The following TTC34 variants were observed in gnomAD, a reference collection of about 807,000 sequenced individuals.
The protein encoded by TTC34 is tetratricopeptide repeat protein 34.
TTC34 carries 44 observed loss-of-function variants against 40.7 expected under a neutral mutation model. The ratio of observed to expected loss-of-function variants is 1.08; its 90% confidence interval spans 0.85 to 1.39. The LOEUF is 1.39. Among genes scored for constraint, TTC34 ranks in the 40% most tolerant of loss-of-function variants. TTC34 has a pLI of 0.00. For synonymous variants in TTC34, 422 were observed against 398.6 expected (o/e 1.06, Z -0.70); for missense variants, 884 against 838.0 (o/e 1.05, Z -0.68).
chr1:2,753,178 C>G (rs1641383341), intron 6 of TTC34, among the ~76,000 whole-genome samples: 1 of 126,924 alleles, frequency 7.9e-6, no homozygotes, highest in Non-Finnish European at 1.6e-5. Context: ...CCCACACCCC[C>G]AGGTGAGCAT....
chr1:2,657,079 AGCCT>A (rs1639374147), intron 6 of TTC34, among the ~76,000 whole-genome samples: 1 of 104,646 alleles, frequency 9.6e-6, no homozygotes. Context: ...AGCATCTGAC[AGCCT>A]GGAGCTGCAC....
intron 6 of TTC34, chr1:2,775,475 C>G (rs993943920): frequency 2.7e-5 from 4 of 148,562 alleles, no homozygotes; most frequent in Admixed American, 2.6e-4. Flanking sequence ...CCCACACCCC[C>G]AGGTGTGCAT....
At chr1:2,691,984 C>T (rs1459719475) in intron 6 of TTC34, among the ~76,000 whole-genome samples, 8 of 77,610 alleles carry the variant, frequency 1.0e-4, no homozygotes, top group Middle Eastern at 7.2e-3. Context: ...AGCTCCCACA[C>T]CCCCAGGCGA....
chr1:2,790,215 G>GGAACTGCCTCCGCGCCCCA lies in TTC34; in HGVS notation c.897_915dup (p.Gln306TrpfsTer42), dbSNP rs1484405689. The stretch of plus-strand genomic sequence containing the variant: ...TGGTCCTGGACAGAGAACACGGCCT[G>GGAACTGCCTCCGCGCCCCA]GAACTGCCTCCGCGCCCCAGAGGGG... On this transcript the variant is annotated frameshift_variant, in exon 3 of 9. Coordinates refer to ENST00000401095, the Ensembl canonical transcript of TTC34. LOFTEE classifies it high-confidence loss of function. 1 of 398,284 alleles carries GGAACTGCCTCCGCGCCCCA rather than the reference G, an allele frequency of 2.5e-6. No homozygotes were observed. Among genetic ancestry groups the GGAACTGCCTCCGCGCCCCA allele is most frequent in the Non-Finnish European group, 4.4e-6 (1 of 225,902 alleles). 24.7% of individuals were successfully genotyped at this position (398,284 alleles called of 1,614,324 possible). A position where few individuals can be genotyped will look rare whatever the true frequency, so the allele number is the denominator to read the frequency against.
exon 5 of TTC34, chr1:2,785,903 G>A (rs910525396): frequency 1.3e-6 from 2 of 1,537,606 alleles, no homozygotes; most frequent in Admixed American, 2.0e-5. Flanking sequence ...CGTGCCCGCA[G>A]GATGGCCAGG....
intron 6 of TTC34, among the ~76,000 whole-genome samples, chr1:2,749,440 A>G (rs1641245147): frequency 1.5e-5 from 2 of 135,138 alleles, no homozygotes; most frequent in Admixed American, 7.6e-5. Flanking sequence ...AACAGCACCG[A>G]CACCCCCAGG....
chr1:2,685,427 C>A lies in TTC34; in HGVS notation c.2227-39864G>T, dbSNP rs1198429762. 7.9e-5 allele frequency among the ~76,000 whole-genome samples: 11 copies of A among 138,864 alleles called. No homozygotes were observed. The East Asian group carries it at 2.3e-3, about 28-fold the overall frequency. The allele number at this position is 138,864 out of a possible 152,430, so 91.1% of individuals were successfully genotyped here. On this transcript the variant is annotated intron_variant, in intron 6 of 8. Coordinates refer to ENST00000401095, the Ensembl canonical transcript of TTC34. ...CAGGTGAGCATCGGAGAGTCTGGAG[C>A]AGCGCCCACACTGCAGGGCGAGCAT...
rs746419960 is a variant in TTC34 at position 2,645,442 on chromosome 1, C to T, written c.2348G>A (p.Arg783Gln). ...GTCTGGCAGCTGGCTCAGAAGGGCC[C>T]GGCAGTGGGAGTAGAGGCCCTGTGT... The change falls in exon 7 of 9, where the codon CGG becomes CAG. Residue 783 changes from arginine to glutamine, a missense_variant. Transcript: ENST00000401095. The surrounding 1 kb of genome is among the most constrained non-coding windows in gnomAD (Gnocchi z 4.7). The T allele has an allele frequency of 7.9e-5, 121 of 1,535,410 alleles. No individual in the cohort carries two copies. The African/African-American group carries it at 1.2e-3, about 15-fold the overall frequency.
chr1:2,764,404 C>T (rs1460222634), intron 6 of TTC34, among the ~76,000 whole-genome samples: 23 of 147,136 alleles, frequency 1.6e-4, no homozygotes, highest in Non-Finnish European at 9.0e-5. Context: ...ATCTGACAGC[C>T]TGGAGCAGCA....
At chr1:2,676,933 G>A (rs1407651499) in intron 6 of TTC34, among the ~76,000 whole-genome samples, 1 of 147,740 alleles carries the variant, frequency 6.8e-6, no homozygotes, top group African/African-American at 2.6e-5. Flanking sequence ...CACACCCCCA[G>A]GTGAGCATCT....
intron 8 of TTC34, among the ~76,000 whole-genome samples, chr1:2,643,652 C>CG (rs200640386): frequency 0.032 from 4,863 of 151,886 alleles, 94 homozygotes; most frequent in Non-Finnish European, 0.039. Flanking sequence ...CTCTTCAGCT[C>CG]GGGGGGGGCA....
intron 6 of TTC34, among the ~76,000 whole-genome samples, chr1:2,755,626 CAGGTGCGCATCT>C (rs1641478495): frequency 8.0e-6 from 1 of 125,628 alleles, no homozygotes; most frequent in Non-Finnish European, 1.6e-5. Context: ...CCCACACACC[CAGGTGCGCATCT>C]GATGGTCTGG....
chr1:2,695,099 G>A (rs200310118), intron 6 of TTC34, among the ~76,000 whole-genome samples: 28 of 27,382 alleles, frequency 1.0e-3, no homozygotes, highest in East Asian at 2.3e-3. Flanking sequence ...TGACAACCTG[G>A]AACAGCACCC....
chr1:2,657,221 C>A (rs1570765567), intron 6 of TTC34, among the ~76,000 whole-genome samples: 1 of 121,528 alleles, frequency 8.2e-6, no homozygotes, highest in Non-Finnish European at 1.9e-5. Context: ...GCACCCACAA[C>A]CACAGGTGAA....
intron 6 of TTC34, among the ~76,000 whole-genome samples, chr1:2,753,238 C>G (rs1641385506): frequency 4.0e-5 from 5 of 124,718 alleles, no homozygotes; most frequent in Non-Finnish European, 4.9e-5. Context: ...ATCTGACAGC[C>G]TGGAGCAGCA....
At chr1:2,687,306 C>T (rs1287851321) in intron 6 of TTC34, among the ~76,000 whole-genome samples, 49 of 96,702 alleles carry the variant, frequency 5.1e-4, no homozygotes, top group Admixed American at 1.5e-3. Context: ...CATCTGACAT[C>T]GTGGAACAGC....
rs1342650153 is a variant in TTC34, at chr1:2,783,697, T to C, written c.2138A>G (p.Asp713Gly). Reference sequence around the variant, plus strand: ...CTCAGCCCGCAGCACTGTGTTGAAGTCGAACATGGCCGTCTTCTTCTGGCC... The same window carrying C: ...CTCAGCCCGCAGCACTGTGTTGAAGCCGAACATGGCCGTCTTCTTCTGGCC... The change falls in exon 6 of 9, where the codon GAC becomes GGC. Residue 713 changes from aspartate (D) to glycine (G), a missense_variant. Asp to Gly is a moderately conservative substitution (Grantham distance 94). Coordinates refer to ENST00000401095, the Ensembl canonical transcript of TTC34. 2.6e-6 allele frequency: 4 copies of C among 1,545,212 alleles called. No homozygotes were observed. The Admixed American group carries it at 5.9e-5, about 23-fold the overall frequency.
chr1:2,799,170 C>T (rs1207890076), intron 2 of TTC34, among the ~76,000 whole-genome samples: 4 of 152,074 alleles, frequency 2.6e-5, no homozygotes, highest in Non-Finnish European at 4.4e-5. Context: ...CCCCAGCCTC[C>T]CAGCCTCCCA....
exon 4 of TTC34, chr1:2,787,665 T>C: frequency 3.2e-6 from 5 of 1,549,302 alleles, no homozygotes; most frequent in Non-Finnish European, 4.4e-6. Flanking sequence ...TGAATCCAGC[T>C]CCATCAGCAG....
Sources: gnomAD v4.1 joint callset for allele counts (sites outside exome capture counted in the v4.1 genomes callset) on GRCh38, gnomAD v4.1.1 for gene constraint, Gnocchi (gnomAD v3.1) non-coding constraint, MANE v1.5 for transcripts, NCBI Gene and HGNC (gene_info 2026-07-23, HGNC 2026-07-21) for gene names.